Variants in CLEC16A observed in about 807,000 individuals in gnomAD.
CLEC16A encodes the protein protein CLEC16A.
Under a neutral mutation model 109.5 loss-of-function variants are expected in CLEC16A, and 51 were observed. The ratio of observed to expected loss-of-function variants is 0.47; its 90% CI spans 0.37 to 0.59. The LOEUF is 0.59. CLEC16A is among the 20% of genes least tolerant of loss of function. The pLI is 0.00. For missense variants in CLEC16A, 1,339 were observed against 1,394.0 expected, an observed-to-expected ratio of 0.96 and a Z score of 0.63; for synonymous variants, 673 against 564.2, an observed-to-expected ratio of 1.19 and a Z score of -2.73.
chr16:11,093,800 C>A (rs984140584), intron 19 of CLEC16A, among the ~76,000 whole-genome samples: 3 of 152,152 alleles, frequency 2.0e-5, no homozygotes, highest in African/African-American at 7.2e-5. Context: ...CTGGGAGCAG[C>A]TCCAGGAAGC....
intron 10 of CLEC16A, among the ~76,000 whole-genome samples, chr16:10,988,545 C>T (rs1012355273): frequency 2.0e-5 from 3 of 152,180 alleles, no homozygotes; most frequent in Non-Finnish European, 4.4e-5. Context: ...CAAGGGCTCT[C>T]GTGACATTCT....
intron 19 of CLEC16A, among the ~76,000 whole-genome samples, chr16:11,067,141 G>T (rs1235629435): frequency 3.1e-5 from 3 of 98,156 alleles, no homozygotes; most frequent in South Asian, 7.8e-4. Flanking sequence ...GAGTGGGTTT[G>T]TTGTTGTTGT....
chr16:11,033,516 C>T (rs2046862431), intron 13 of CLEC16A, among the ~76,000 whole-genome samples: 1 of 152,128 alleles, frequency 6.6e-6, no homozygotes, highest in African/African-American at 2.4e-5. Flanking sequence ...GGCCTGTGAG[C>T]ACAGAGTCTG....
At chr16:11,177,357 T>G (rs1567424403) in intron 23 of CLEC16A, among the ~76,000 whole-genome samples, 1 of 152,136 alleles carries the variant, frequency 6.6e-6, no homozygotes, top group African/African-American at 2.4e-5. Context: ...TCCCAGCACT[T>G]TGGGAGGCCG....
At chr16:11,108,991 G>A (rs1193910880) in intron 19 of CLEC16A, among the ~76,000 whole-genome samples, 1 of 151,242 alleles carries the variant, frequency 6.6e-6, no homozygotes, top group Non-Finnish European at 1.5e-5. Context: ...GGCGCCTGTA[G>A]TCCCAGTTAC....
intron 14 of CLEC16A, chr16:11,040,559 C>T (rs2047277950): frequency 7.3e-6 from 1 of 136,278 alleles, no homozygotes; most frequent in African/African-American, 2.8e-5. Flanking sequence ...GTCACCTGGG[C>T]TGGAGTGTAA....
intron 10 of CLEC16A, among the ~76,000 whole-genome samples, chr16:10,994,344 G>A (rs1477403207): frequency 1.3e-5 from 2 of 152,172 alleles, no homozygotes; most frequent in Non-Finnish European, 2.9e-5. Flanking sequence ...CTGGATTGGC[G>A]AGTAAGGCAT....
At chr16:10,950,265 G>C (rs78472948) in intron 1 of CLEC16A, among the ~76,000 whole-genome samples, 2,456 of 152,280 alleles carry the variant, frequency 0.016, 59 homozygotes, top group African/African-American at 0.055. Context: ...ATGAAAGCCT[G>C]TATGGCTTGT....
intron 22 of CLEC16A, among the ~76,000 whole-genome samples, chr16:11,151,819 G>C (rs534308646): frequency 6.6e-6 from 1 of 152,162 alleles, no homozygotes; most frequent in African/African-American, 2.4e-5. Flanking sequence ...AGCCACTTTC[G>C]GGGGGCGGGG....
intron 22 of CLEC16A, among the ~76,000 whole-genome samples, chr16:11,138,985 T>C (rs2053697904): frequency 6.8e-6 from 1 of 146,994 alleles, no homozygotes; most frequent in South Asian, 2.1e-4. Flanking sequence ...GGTGACCAAT[T>C]TGACTGAGGG....
At chr16:11,086,251 G>C (rs1311220705) in intron 19 of CLEC16A, among the ~76,000 whole-genome samples, 1 of 152,156 alleles carries the variant, frequency 6.6e-6, no homozygotes, top group Admixed American at 6.5e-5. Flanking sequence ...CCATGGGGCT[G>C]GTGGGGAGGA....
At chr16:11,168,112 C>G (rs1021695046) in intron 23 of CLEC16A, among the ~76,000 whole-genome samples, 8 of 152,184 alleles carry the variant, frequency 5.3e-5, no homozygotes, top group African/African-American at 1.9e-4. Context: ...TTAACACCGG[C>G]AAAGACCCAC....
At chr16:11,025,012 G>A (rs747496605) in intron 13 of CLEC16A, 91 bp downstream of exon 13, 7 of 957,312 alleles carry the variant, frequency 7.3e-6, no homozygotes, top group Non-Finnish European at 9.8e-6. Context: ...AAAGAAAGGT[G>A]CTTTCTGTAC....
intron 19 of CLEC16A, among the ~76,000 whole-genome samples, chr16:11,107,028 C>T (rs1007997246): frequency 3.9e-5 from 6 of 152,224 alleles, no homozygotes; most frequent in South Asian, 4.2e-4. Flanking sequence ...AGTGCTCTGC[C>T]GGTTACTCTT....
intron 10 of CLEC16A, among the ~76,000 whole-genome samples, chr16:10,991,191 A>G (rs542263085): frequency 2.0e-5 from 3 of 152,218 alleles, no homozygotes; most frequent in South Asian, 4.2e-4. Context: ...GACATGGGCA[A>G]TGCTCGGAGG....
Position 10,971,117 on chromosome 16 carries a change from TG to T in CLEC16A, c.493-7del. The T allele has an allele frequency of 6.2e-7, 1 of 1,600,962 alleles. No homozygotes were observed. Among genetic ancestry groups the T allele is most frequent in the Non-Finnish European group, 8.6e-7 (1 of 1,168,416 alleles). On this transcript the variant is annotated splice_region_variant and splice_polypyrimidine_tract_variant and intron_variant, in intron 4 of 23. Transcript: ENST00000409790. Reference sequence around the variant, plus strand: ...TATAATTTGTTTTCGTTATTTCTTTTGTTTTAGCACACCAATGACTTTGCCC... The same window carrying T: ...TATAATTTGTTTTCGTTATTTCTTTTTTTTAGCACACCAATGACTTTGCCC...
chr16:11,126,481 C>A (rs541917420), intron 22 of CLEC16A: 2 of 1,084,390 alleles, frequency 1.8e-6, no homozygotes, highest in Non-Finnish European at 2.5e-6. Flanking sequence ...TTTCCTTCTC[C>A]ATGTAAGATG....
chr16:10,991,203 T>C (rs1327987973), intron 10 of CLEC16A, among the ~76,000 whole-genome samples: 1 of 151,962 alleles, frequency 6.6e-6, no homozygotes, highest in Non-Finnish European at 1.5e-5. Context: ...GCTCGGAGGC[T>C]GGAGTGTTAC....
intron 19 of CLEC16A, among the ~76,000 whole-genome samples, chr16:11,098,349 G>A (rs1161768911): frequency 6.6e-6 from 1 of 152,230 alleles, no homozygotes; most frequent in Admixed American, 6.5e-5. Flanking sequence ...ATGCAGAAAG[G>A]GACAGGGGAC....
Sources: gnomAD v4.1 joint callset for allele counts (sites outside exome capture counted in the v4.1 genomes callset) on GRCh38, gnomAD v4.1.1 for gene constraint, MANE v1.5 for transcripts, NCBI Gene and HGNC (gene_info 2026-07-23, HGNC 2026-07-21) for gene names.